Variants in PHF23 observed in about 807,000 individuals in gnomAD.
PHF23 encodes the protein PHD finger protein 23, also known as PDH-containing protein JUNE-1.
A neutral mutation model predicts 36.0 loss-of-function variants in PHF23; 3 were observed. The observed-to-expected ratio is 0.08, with a 90% CI of 0.04 to 0.22. The LOEUF (loss-of-function observed/expected upper bound fraction) is 0.22, where lower values mean the gene tolerates loss of function less well. PHF23 is among the 10% of genes least tolerant of loss of function. PHF23 has a pLI of 1.00. For synonymous variants in PHF23, 242 were observed against 192.5 expected (o/e 1.26, Z -2.13); for missense variants, 475 against 513.6 (o/e 0.92, Z 0.73).
intron 1 of PHF23, 181 bp downstream of exon 1, chr17:7,239,065 A>C: frequency 2.5e-6 from 3 of 1,215,400 alleles, no homozygotes; most frequent in Admixed American, 2.8e-5. Context: ...ACCCCAGCCC[A>C]GTTTCCCACT....
upstream of PHF23, chr17:7,239,892 A>G (rs2071758061): frequency 6.6e-6 from 1 of 152,304 alleles, no homozygotes; most frequent in Non-Finnish European, 1.5e-5. Context: ...TGCCGGAGAA[A>G]TGATTGCTGG....
intron 1 of PHF23, 37 bp downstream of exon 1, chr17:7,239,209 C>G: frequency 6.9e-7 from 1 of 1,446,636 alleles, no homozygotes; most frequent in Non-Finnish European, 9.5e-7. Flanking sequence ...CGCCCGCCCC[C>G]CGCCGGCTCA....
chr17:7,235,303 T>A lies in PHF23; in HGVS notation c.*323A>T. 2.0e-5 allele frequency: 7 copies of A among 344,832 alleles called. No homozygotes were observed. Among genetic ancestry groups the A allele is most frequent in the South Asian group, 3.2e-5 (1 of 31,404 alleles). 21.4% of individuals were successfully genotyped at this position (344,832 alleles called of 1,614,324 possible). On this transcript the variant is annotated 3_prime_UTR_variant, in exon 5 of 5. Transcript: ENST00000320316. ...GGGAGTGCTAATATTTACACTAGAG[T>A]TTTATAGACAACTGTCCCATTCCAT...
chr17:7,236,862 C>G lies in PHF23; in HGVS notation c.160-95G>C, dbSNP rs1360045442. The stretch of plus-strand genomic sequence containing the variant: ...TGAAAAGGAGTGACTGGATTTACCC[C>G]AAAATGTCCTACCTCAACCACTAAA... On this transcript the variant is annotated intron_variant, in intron 3 of 4. Transcript: ENST00000320316. The surrounding 1 kb of genome is among the most constrained non-coding windows in gnomAD (Gnocchi z 5.1). The G allele has an allele frequency of 4.7e-6, 7 of 1,490,246 alleles. No individual in the cohort carries two copies. The highest frequency in any genetic ancestry group is 6.2e-6 in the Non-Finnish European group (7 of 1,130,538). The allele number at this position is 1,490,246 out of a possible 1,614,324, so 92.3% of individuals were successfully genotyped here.
chr17:7,235,596 T>C lies in PHF23; in HGVS notation c.*30A>G. 3 of 1,605,460 alleles carry C rather than the reference T, an allele frequency of 1.9e-6. No individual in the cohort carries two copies. The highest frequency in any genetic ancestry group is 2.5e-6 in the Non-Finnish European group (3 of 1,177,362). On this transcript the variant is annotated 3_prime_UTR_variant, in exon 5 of 5. Transcript: ENST00000320316. ...GCTCAGTTCCCAAATCATGTTGTCA[T>C]TTGGAAGTTCCAGGCTAAAGTTGGT...
intron 1 of PHF23, chr17:7,238,705 T>C: frequency 8.3e-7 from 1 of 1,205,058 alleles, no homozygotes; most frequent in Non-Finnish European, 1.1e-6. Flanking sequence ...GCTCGCTCTC[T>C]CCACAACTAC....
At chr17:7,238,615 C>G in intron 1 of PHF23, 1 of 934,386 alleles carries the variant, frequency 1.1e-6, no homozygotes, top group Non-Finnish European at 1.2e-6. Context: ...CCTACCCCCC[C>G]GCCCGACAAG....
At chr17:7,237,592 C>A in intron 2 of PHF23, 37 bp downstream of exon 2, 1 of 1,613,578 alleles carries the variant, frequency 6.2e-7, no homozygotes, top group Non-Finnish European at 8.5e-7. Flanking sequence ...CGTTGTCAGG[C>A]AGGGCTACTA....
At chr17:7,238,932 G>C (rs376258766) in intron 1 of PHF23, 2 of 1,520,046 alleles carry the variant, frequency 1.3e-6, no homozygotes, top group African/African-American at 2.8e-5. Flanking sequence ...CCGGCCACTG[G>C]ATTCCCCTAA....
upstream of PHF23, chr17:7,240,616 C>T: frequency 2.0e-6 from 1 of 504,234 alleles, no homozygotes; most frequent in Non-Finnish European, 3.6e-6. Flanking sequence ...AAGAAGTCTA[C>T]AGCAGGATGG....
chr17:7,237,881 C>T (rs2071705618), intron 1 of PHF23: 8 of 582,124 alleles, frequency 1.4e-5, no homozygotes, highest in Admixed American at 1.2e-4. Flanking sequence ...TAGCGCTCCC[C>T]TTCCCCCAAC....
chr17:7,238,961 C>T, intron 1 of PHF23: 5 of 1,487,462 alleles, frequency 3.4e-6, no homozygotes, highest in Non-Finnish European at 4.5e-6. Context: ...TTCCAGGGCC[C>T]CAATCTGCCG....
rs1293444703 is a variant in PHF23, at chr17:7,235,645, G to A, written c.1193C>T (p.Pro398Leu). 1 of 1,613,696 alleles carries A rather than the reference G, an allele frequency of 6.2e-7. No homozygotes were observed. Among genetic ancestry groups the A allele is most frequent in the Admixed American group, 1.7e-5 (1 of 60,020 alleles). Residue 398 changes from proline (P) to leucine (L), a missense_variant, in exon 5 of 5, where the codon CCC (proline) becomes CTC (leucine). Pro to Leu is a moderately conservative substitution (Grantham distance 98, BLOSUM62 -3). Around this residue, in one of 5 missense-constraint regions of PHF23, gnomAD observed 28 missense variants for 24.6 expected, o/e 1.14. Transcript: ENST00000320316. Reference protein sequence around the residue: ...RPEARRLGGPPKSGEP With the variant: ...RPEARRLGGPLKSGEP ...GTGCCATCAGGGCTCTCCAGATTTG[G>A]GAGGCCCCCCTAACCGCCGGGCCTC...
In PHF23 at chr17:7,236,680, C is replaced by G; in HGVS notation, c.247G>C (p.Asp83His). Residue 83 changes from aspartate to histidine, a missense_variant, in exon 4 of 5, where the codon GAT becomes CAT. By Grantham distance (81) the Asp-to-His change is moderately conservative (BLOSUM62 -1). This residue lies in a region of PHF23 where 350 missense variants were observed against 319.8 expected (regional missense o/e 1.09). Transcript: ENST00000320316. The surrounding 1 kb of genome is among the most constrained non-coding windows in gnomAD (Gnocchi z 5.1). ...DSDGWDSAPS[D>H]LRTIQTFVKK... ...ACAAAAGTCTGGATGGTTCGAAGAT[C>G]TGAGGGGGCCGAGTCCCAGCCATCA... 1 of 1,614,060 alleles carries G rather than the reference C, an allele frequency of 6.2e-7. No individual in the cohort carries two copies. Among genetic ancestry groups the G allele is most frequent in the Non-Finnish European group, 8.5e-7 (1 of 1,180,014 alleles).
chr17:7,237,720 T>A (rs2071698166), intron 1 of PHF23, 60 bp from the exon 2 acceptor site: 1 of 1,588,482 alleles, frequency 6.3e-7, no homozygotes, highest in African/African-American at 1.3e-5. Context: ...AAACTCCCCC[T>A]CTAAACCCCG....
chr17:7,235,506 T>G lies in PHF23; in HGVS notation c.*120A>C. On this transcript the variant is annotated 3_prime_UTR_variant, in exon 5 of 5. Coordinates refer to ENST00000320316, the MANE Select transcript of PHF23 (RefSeq NM_024297.3). ...CACTCATTTTCAAACAAGTCTCCCT[T>G]GAGAATTCCTGCCTTGAAGTGCAGA... The G allele has an allele frequency of 2.0e-4, 204 of 1,013,326 alleles. No individual in the cohort carries two copies. Among genetic ancestry groups the G allele is most frequent in the Non-Finnish European group, 2.9e-4 (197 of 673,464 alleles). The allele number at this position is 1,013,326 out of a possible 1,614,324, so 62.8% of individuals were successfully genotyped here.
intron 1 of PHF23, 150 bp downstream of exon 1, chr17:7,239,096 C>T: frequency 9.4e-7 from 1 of 1,063,498 alleles, no homozygotes; most frequent in Non-Finnish European, 1.3e-6. Flanking sequence ...CAAGGTCTCT[C>T]AACTCGTCGC....
At chr17:7,238,766 C>T (rs1156943691) in intron 1 of PHF23, 7 of 1,533,418 alleles carry the variant, frequency 4.6e-6, no homozygotes, top group Non-Finnish European at 6.1e-6. Context: ...CCCCTCTTCT[C>T]CCCACAACTA....
chr17:7,238,755 C>A (rs1047703922), intron 1 of PHF23: 5 of 1,530,804 alleles, frequency 3.3e-6, no homozygotes, highest in South Asian at 1.2e-5. Context: ...AATACCCAGA[C>A]CCCCTCTTCT....
Sources: gnomAD v4.1 joint callset for allele counts on GRCh38, gnomAD v4.1.1 for gene constraint, gnomAD v4.1.1 regional missense constraint, Gnocchi (gnomAD v3.1) non-coding constraint, MANE v1.5 for transcripts, NCBI Gene and HGNC (gene_info 2026-07-23, HGNC 2026-07-21) for gene names.